SUGCT: variants seen among roughly 807,000 people sequenced by gnomAD.
The protein encoded by SUGCT is succinyl-CoA:glutarate-CoA transferase, also known as succinyl-CoA:glutarate CoA-transferase.
SUGCT carries 41 observed loss-of-function variants against 55.0 expected under a neutral mutation model. That is an observed-to-expected ratio of 0.74 (90% CI 0.58 to 0.97). The LOEUF (loss-of-function observed/expected upper bound fraction) is 0.97. Ranked by LOEUF, SUGCT falls within the 50% of genes least tolerant of loss-of-function variation. The pLI, the probability that SUGCT is intolerant of heterozygous loss-of-function variation, is 0.00. For synonymous variants in SUGCT, 187 were observed against 200.4 expected (o/e 0.93, Z 0.56); for missense variants, 568 against 547.8 (o/e 1.04, Z -0.37).
At chr7:40,814,736 C>T (rs1026931523) in intron 13 of SUGCT, among the ~76,000 whole-genome samples, 1 of 152,014 alleles carries the variant, frequency 6.6e-6, no homozygotes, top group Non-Finnish European at 1.5e-5. Flanking sequence ...TAGTGTGATC[C>T]TTTGATGCTG....
chr7:40,663,481 GTGTA>G (rs1019369219), intron 12 of SUGCT, among the ~76,000 whole-genome samples: 7 of 136,176 alleles, frequency 5.1e-5, no homozygotes, highest in Non-Finnish European at 7.7e-5. Context: ...TTACTTTGTG[GTGTA>G]TGTGTGTGTG....
intron 1 of SUGCT, among the ~76,000 whole-genome samples, chr7:40,178,107 C>T (rs532126548): frequency 3.9e-5 from 6 of 152,258 alleles, no homozygotes; most frequent in South Asian, 2.1e-4. Flanking sequence ...TCATATACTG[C>T]GGTTGGTTGA....
chr7:40,863,570 C>G (rs915401451), downstream of SUGCT, among the ~76,000 whole-genome samples: 13 of 152,176 alleles, frequency 8.5e-5, no homozygotes, highest in Admixed American at 2.6e-4. Flanking sequence ...TCTTCAGCCC[C>G]TTCTCATAAC....
chr7:41,013,210 T>A, the SUGCT span, among the ~76,000 whole-genome samples: 1 of 152,232 alleles, frequency 6.6e-6, no homozygotes, highest in African/African-American at 2.4e-5. Flanking sequence ...TTTCTGTTCC[T>A]TTGGCTGACC....
At chr7:40,617,293 T>C (rs1422676472) in intron 12 of SUGCT, among the ~76,000 whole-genome samples, 2 of 152,192 alleles carry the variant, frequency 1.3e-5, no homozygotes, top group Non-Finnish European at 2.9e-5. Context: ...GGTCATCCAG[T>C]CCTAGGCTTT....
At chr7:40,321,922 A>AT (rs1182283162) in intron 9 of SUGCT, among the ~76,000 whole-genome samples, 3 of 151,868 alleles carry the variant, frequency 2.0e-5, no homozygotes, top group Admixed American at 6.6e-5. Flanking sequence ...TGAGATCTTG[A>AT]TTTTTTTTCC....
At chr7:40,273,867 A>G (rs1792276537) in intron 7 of SUGCT, among the ~76,000 whole-genome samples, 1 of 152,122 alleles carries the variant, frequency 6.6e-6, no homozygotes, top group Non-Finnish European at 1.5e-5. Flanking sequence ...GATAGTTGCA[A>G]AGCTCATGCC....
intron 12 of SUGCT, among the ~76,000 whole-genome samples, chr7:40,682,081 T>C (rs1784272813): frequency 6.6e-6 from 1 of 152,196 alleles, no homozygotes. Context: ...ATTAAGTTGC[T>C]CATTTACTTC....
In SUGCT at chr7:40,563,464, G is replaced by A. The variant is rs1417618304; in HGVS notation, c.1089+67078G>A. On this transcript the variant is annotated intron_variant, in intron 12 of 13. Transcript: ENST00000335693. ...TTTATGCCTGTAATCCCAGCACTTT[G>A]GGAGGCCAAGGCAGGAGGATTGCTT... Among the ~76,000 whole-genome samples the A allele has an allele frequency of 5.3e-5, 8 of 152,034 alleles. No homozygotes were observed. In the South Asian group the frequency reaches 1.7e-3, roughly 32 times the overall value.
At chr7:40,327,710 A>G (rs1796089003) in intron 9 of SUGCT, among the ~76,000 whole-genome samples, 1 of 152,182 alleles carries the variant, frequency 6.6e-6, no homozygotes, top group Admixed American at 6.5e-5. Context: ...ATGTGTTTTT[A>G]TATTTTCTAT....
intron 1 of SUGCT, among the ~76,000 whole-genome samples, chr7:40,173,176 C>T (rs1199641116): frequency 1.3e-5 from 2 of 152,170 alleles, no homozygotes; most frequent in East Asian, 1.9e-4. Flanking sequence ...CCGTGGGTCA[C>T]GGAAGAGAAC....
At chr7:40,617,473 ATATGTG>A (rs1221434864) in intron 12 of SUGCT, among the ~76,000 whole-genome samples, 1 of 133,478 alleles carries the variant, frequency 7.5e-6, no homozygotes, top group African/African-American at 3.2e-5. Context: ...GGTTAGATTT[ATATGTG>A]TGTGTGTGTG....
chr7:40,661,139 A>T (rs940929170), intron 12 of SUGCT, among the ~76,000 whole-genome samples: 2 of 152,202 alleles, frequency 1.3e-5, no homozygotes, highest in Non-Finnish European at 2.9e-5. Flanking sequence ...TTATTGTCTA[A>T]GATGTTCATT....
intron 13 of SUGCT, among the ~76,000 whole-genome samples, chr7:40,840,343 G>A (rs917878129): frequency 6.6e-6 from 1 of 151,782 alleles, no homozygotes; most frequent in East Asian, 1.9e-4. Context: ...AGTCCTGCAG[G>A]GTGACCACCA....
At chr7:40,311,864 T>C (rs1795175716) in intron 8 of SUGCT, among the ~76,000 whole-genome samples, 1 of 152,178 alleles carries the variant, frequency 6.6e-6, no homozygotes, top group Admixed American at 6.5e-5. Flanking sequence ...TAAAAAATAG[T>C]GTTCAGGATC....
intron 7 of SUGCT, among the ~76,000 whole-genome samples, chr7:40,245,421 ATATTTTTTTTTTTTTTTTTT>A (rs1789767013): frequency 5.0e-5 from 2 of 39,884 alleles, no homozygotes; most frequent in Admixed American, 5.8e-4. Context: ...ATATATATAT[ATATTTTTTTTTTTTTTTTTT>A]TTTTTTTTTT....
At chr7:40,333,210 T>A (rs554262909) in intron 9 of SUGCT, among the ~76,000 whole-genome samples, 1 of 152,222 alleles carries the variant, frequency 6.6e-6, no homozygotes, top group Non-Finnish European at 1.5e-5. Context: ...ATAGTGGAAT[T>A]ATAACATTTT....
At chr7:40,904,315 G>C in the SUGCT span, among the ~76,000 whole-genome samples, 10 of 152,170 alleles carry the variant, frequency 6.6e-5, no homozygotes, top group Non-Finnish European at 1.3e-4. Flanking sequence ...TTGCCTCATG[G>C]AGGCAGGTCT....
intron 1 of SUGCT, among the ~76,000 whole-genome samples, chr7:40,155,855 A>ATTTT (rs1369761947): frequency 1.5e-5 from 2 of 132,502 alleles, no homozygotes; most frequent in African/African-American, 2.8e-5. Context: ...GATACCTAAG[A>ATTTT]TTTTTTTTTT....
Sources: gnomAD v4.1 joint callset for allele counts (sites outside exome capture counted in the v4.1 genomes callset) on GRCh38, gnomAD v4.1.1 for gene constraint, MANE v1.5 for transcripts, NCBI Gene and HGNC (gene_info 2026-07-23, HGNC 2026-07-21) for gene names.